Variants in LHFPL3 observed in about 807,000 individuals in gnomAD.
LHFPL3 encodes the protein LHFPL tetraspan subfamily member 3.
Under a neutral mutation model 19.3 loss-of-function variants are expected in LHFPL3, and 5 were observed. The observed-to-expected ratio is 0.26, with a 90% CI of 0.14 to 0.54. LHFPL3 has a LOEUF of 0.54. LHFPL3 is among the 20% of genes least tolerant of loss of function. The pLI is 0.94. For missense variants in LHFPL3, 249 were observed against 307.4 expected (o/e 0.81, Z 1.42); for synonymous variants, 133 against 126.2 (o/e 1.05, Z -0.36).
At chr7:104,522,104 A>C (rs1794076990) in intron 1 of LHFPL3, among the ~76,000 whole-genome samples, 1 of 152,126 alleles carries the variant, frequency 6.6e-6, no homozygotes, top group South Asian at 2.1e-4. Context: ...TTACTGAGGC[A>C]TTATTCACAA....
chr7:104,659,286 T>C (rs1414998708), intron 1 of LHFPL3, among the ~76,000 whole-genome samples: 1 of 152,226 alleles, frequency 6.6e-6, no homozygotes, highest in Non-Finnish European at 1.5e-5. Context: ...CCACAGACTG[T>C]TGGCTCCTCC....
intron 1 of LHFPL3, among the ~76,000 whole-genome samples, chr7:104,618,890 A>G (rs576400856): frequency 6.6e-6 from 1 of 152,350 alleles, no homozygotes; most frequent in Admixed American, 6.5e-5. Flanking sequence ...CAAGTTAATG[A>G]TGTGCAATGC....
intron 1 of LHFPL3, among the ~76,000 whole-genome samples, chr7:104,584,950 T>C (rs943225940): frequency 1.6e-4 from 25 of 152,180 alleles, no homozygotes; most frequent in African/African-American, 6.0e-4. Context: ...TTTTGCTTTA[T>C]GTTTACATAT....
At chr7:104,632,903 C>G (rs1220008566) in intron 1 of LHFPL3, among the ~76,000 whole-genome samples, 1 of 152,210 alleles carries the variant, frequency 6.6e-6, no homozygotes, top group Non-Finnish European at 1.5e-5. Flanking sequence ...AATCTGCCCA[C>G]CTTGGTCTCC....
chr7:104,482,985 CTT>C (rs763862479), intron 1 of LHFPL3, among the ~76,000 whole-genome samples: 2 of 152,220 alleles, frequency 1.3e-5, no homozygotes, highest in Non-Finnish European at 2.9e-5. Context: ...GTTGGACAAA[CTT>C]AGTGCCCTCA....
intron 2 of LHFPL3, among the ~76,000 whole-genome samples, chr7:104,817,982 T>G (rs1292426168): frequency 6.6e-6 from 1 of 152,148 alleles, no homozygotes; most frequent in Non-Finnish European, 1.5e-5. Flanking sequence ...TTTCAAGTGC[T>G]CCATAGGTAC....
chr7:104,531,683 T>A (rs372272570), intron 1 of LHFPL3, among the ~76,000 whole-genome samples: 8 of 152,110 alleles, frequency 5.3e-5, no homozygotes, highest in African/African-American at 1.9e-4. Context: ...GGAAATCACT[T>A]ATATAGTGAG....
At chr7:104,396,683 G>A (rs561200232) in intron 1 of LHFPL3, among the ~76,000 whole-genome samples, 16 of 151,664 alleles carry the variant, frequency 1.1e-4, no homozygotes, top group African/African-American at 3.1e-4. Context: ...GAGGGCAGGC[G>A]CAGTGGCTCA....
At chr7:104,601,723 C>T (rs569941863) in intron 1 of LHFPL3, among the ~76,000 whole-genome samples, 4 of 152,268 alleles carry the variant, frequency 2.6e-5, no homozygotes, top group Admixed American at 1.3e-4. Context: ...TCAGCCTGCT[C>T]GACTTCAGCT....
chr7:104,508,930 A>G (rs1375782216), intron 1 of LHFPL3, among the ~76,000 whole-genome samples: 1 of 152,120 alleles, frequency 6.6e-6, no homozygotes, highest in Non-Finnish European at 1.5e-5. Context: ...ATATCAACAC[A>G]AGCCCTGCAG....
intron 2 of LHFPL3, among the ~76,000 whole-genome samples, chr7:104,757,158 C>T (rs934026302): frequency 6.6e-5 from 10 of 152,030 alleles, no homozygotes; most frequent in Non-Finnish European, 8.8e-5. Flanking sequence ...TAGCAATATG[C>T]GGAAGAATCA....
chr7:104,465,668 C>T (rs972905923), intron 1 of LHFPL3, among the ~76,000 whole-genome samples: 5 of 152,188 alleles, frequency 3.3e-5, no homozygotes, highest in Non-Finnish European at 1.5e-5. Context: ...TGAGAACTCA[C>T]TCACTATCAT....
chr7:104,787,711 T>C (rs568262853), intron 2 of LHFPL3, among the ~76,000 whole-genome samples: 2 of 152,280 alleles, frequency 1.3e-5, no homozygotes, highest in Admixed American at 1.3e-4. Context: ...CCACCATACC[T>C]GGCTATTTTT....
intron 2 of LHFPL3, among the ~76,000 whole-genome samples, chr7:104,776,175 A>T (rs1353850808): frequency 6.6e-6 from 1 of 152,202 alleles, no homozygotes; most frequent in Non-Finnish European, 1.5e-5. Flanking sequence ...GAAGCAAGTC[A>T]CTCTGTGAGC....
At chr7:104,461,767 C>CT (rs1792668578) in intron 1 of LHFPL3, among the ~76,000 whole-genome samples, 1 of 151,978 alleles carries the variant, frequency 6.6e-6, no homozygotes, top group South Asian at 2.1e-4. Flanking sequence ...TTTTAAAATA[C>CT]TTTTTTCTAG....
At chr7:104,808,676 G>A (rs979415502) in intron 2 of LHFPL3, among the ~76,000 whole-genome samples, 40 of 152,266 alleles carry the variant, frequency 2.6e-4, no homozygotes, top group African/African-American at 9.4e-4. Context: ...ATTAGTGTGT[G>A]ATTCCATCAA....
Position 104,906,864 on chromosome 7 carries a change from T to C in LHFPL3, c.*649T>C, listed in dbSNP as rs1046981205. 2.0e-5 allele frequency: 3 copies of C among 152,662 alleles called. No homozygotes were observed. The highest frequency in any genetic ancestry group is 4.4e-5 in the Non-Finnish European group (3 of 68,066). The allele number at this position is 152,662 out of a possible 1,614,324, so 9.5% of individuals were successfully genotyped here. On this transcript the variant is annotated 3_prime_UTR_variant, in exon 3 of 3. Transcript: ENST00000424859. ...CCAAGTCTGTGTTCTGTTTAATCTG[T>C]CCATACAAGTTATTACTGAGAAAGT...
At chr7:104,741,033 G>C (rs1262543996) in intron 2 of LHFPL3, among the ~76,000 whole-genome samples, 2 of 152,172 alleles carry the variant, frequency 1.3e-5, no homozygotes, top group African/African-American at 4.8e-5. Context: ...AGATGAAAGG[G>C]AATACAAGAT....
rs1562865632 is a variant in LHFPL3, at chr7:104,329,190, G to A, written c.411G>A (p.Val137=). ...TCTTCTTCTGCAACACGGCCACTGT[G>A]TACAAGATATGTGCCTGGATGCAGC... is the stretch of plus-strand genomic sequence containing the variant. ...TLFFFCNTAT[V]YKICAWMQLT... is the part of the protein sequence containing the mutation. The change falls in exon 1 of 3, where the codon GTG becomes GTA. Residue 137 remains valine, a synonymous_variant. Coordinates refer to ENST00000424859, the MANE Select transcript of LHFPL3 (RefSeq NM_199000.3). 2 of 1,613,074 alleles carry A rather than the reference G, an allele frequency of 1.2e-6. No individual in the cohort carries two copies. The highest frequency in any genetic ancestry group is 1.7e-6 in the Non-Finnish European group (2 of 1,179,164).
Sources: allele counts gnomAD v4.1 joint callset (sites outside exome capture counted in the v4.1 genomes callset), GRCh38; gene constraint gnomAD v4.1.1; transcripts MANE v1.5; gene names NCBI Gene and HGNC (gene_info 2026-07-23, HGNC 2026-07-21).